The following IL34 variants were observed in gnomAD, a reference collection of about 807,000 sequenced individuals.
IL34 encodes the protein interleukin 34, also known as interleukin-34.
In IL34, 17 loss-of-function variants were observed where a neutral mutation model predicts 25.3. The ratio of observed to expected loss-of-function variants is 0.67; its 90% CI spans 0.46 to 1.01. IL34 has a LOEUF of 1.01. IL34 is among the 50% of genes least tolerant of loss of function. The pLI is 0.00. For synonymous variants in IL34, 174 were observed against 140.9 expected, an observed-to-expected ratio of 1.23 and a Z score of -1.66; for missense variants, 368 against 312.9, an observed-to-expected ratio of 1.18 and a Z score of -1.33.
chr16:70,649,593 G>A (rs975915929), intron 1 of IL34, among the ~76,000 whole-genome samples: 10 of 152,084 alleles, frequency 6.6e-5, no homozygotes, highest in African/African-American at 2.2e-4. Flanking sequence ...GGTCACACTC[G>A]GGTTCGGGTG....
intron 4 of IL34, chr16:70,657,406 G>A (rs1483673301): frequency 8.0e-6 from 3 of 375,156 alleles, no homozygotes; most frequent in Middle Eastern, 7.6e-4. Context: ...GCAAGTCATC[G>A]TACCCTCTTT....
chr16:70,584,823 C>T (rs985241358), intron 1 of IL34, among the ~76,000 whole-genome samples: 33 of 152,084 alleles, frequency 2.2e-4, no homozygotes, highest in African/African-American at 7.7e-4. Flanking sequence ...GCCTCAGCCT[C>T]TGGAGTGGCT....
intron 1 of IL34, among the ~76,000 whole-genome samples, chr16:70,641,314 C>T (rs1012968435): frequency 6.6e-6 from 1 of 151,982 alleles, no homozygotes; most frequent in Non-Finnish European, 1.5e-5. Context: ...CAAAAACTTG[C>T]ACATGGATTT....
upstream of IL34, among the ~76,000 whole-genome samples, chr16:70,642,285 C>T (rs1243323222): frequency 2.7e-5 from 4 of 148,278 alleles, no homozygotes; most frequent in Admixed American, 2.0e-4. Flanking sequence ...AGTGAGCGTA[C>T]TCTGATGTCT....
At chr16:70,585,521 A>G (rs2050682713) in intron 1 of IL34, among the ~76,000 whole-genome samples, 2 of 151,898 alleles carry the variant, frequency 1.3e-5, no homozygotes, top group African/African-American at 4.8e-5. Context: ...CCTTGTCTCT[A>G]CTAAAAATAC....
Position 70,660,274 on chromosome 16 carries a change from TGGGAGCCCCCCTTGG to T in IL34, c.*89_*103del. On this transcript the variant is annotated 3_prime_UTR_variant, in exon 6 of 6. Transcript: ENST00000288098. ...GGTCTGAGACTTCAAGGGGTGGTGG[TGGGAGCCCCCCTTGG>T]GAGAGGACCCCTGGGAAGGGTGTTT... 1 of 1,283,454 alleles carries T rather than the reference TGGGAGCCCCCCTTGG, an allele frequency of 7.8e-7. No individual in the cohort carries two copies. Among genetic ancestry groups the T allele is most frequent in the Non-Finnish European group, 1.1e-6 (1 of 949,476 alleles). 79.5% of individuals were successfully genotyped at this position (1,283,454 alleles called of 1,614,324 possible). A position where few individuals can be genotyped will look rare whatever the true frequency, so the allele number is the denominator to read the frequency against.
Position 70,659,990 on chromosome 16 carries a change from C to G in IL34, c.539-7C>G. On this transcript the variant is annotated splice_region_variant and splice_polypyrimidine_tract_variant and intron_variant, in intron 5 of 5. Coordinates refer to ENST00000288098, the MANE Select transcript of IL34 (RefSeq NM_001393494.1). ...CAGTCTTTTTTTTTTTCCCCTATCT[C>G]TTGCAGGTAAACAAAGCTCCGTCCT... 1 of 1,566,026 alleles carries G rather than the reference C, an allele frequency of 6.4e-7. No homozygotes were observed. The highest frequency in any genetic ancestry group is 1.4e-5 in the African/African-American group (1 of 72,172).
intron 1 of IL34, among the ~76,000 whole-genome samples, chr16:70,653,519 C>T (rs1193744308): frequency 2.6e-5 from 4 of 151,854 alleles, no homozygotes; most frequent in East Asian, 3.9e-4. Context: ...GCCAACATGG[C>T]GATACCAGGT....
At chr16:70,655,373 T>G (rs2052191818) in intron 2 of IL34, among the ~76,000 whole-genome samples, 1 of 150,596 alleles carries the variant, frequency 6.6e-6, no homozygotes, top group African/African-American at 2.4e-5. Context: ...TTTTAATTTT[T>G]TAACTTTTCC....
chr16:70,651,529 G>A (rs2052078060), intron 1 of IL34, among the ~76,000 whole-genome samples: 1 of 152,176 alleles, frequency 6.6e-6, no homozygotes, highest in African/African-American at 2.4e-5. Context: ...AGCTGAGCAA[G>A]GGCACTCCTG....
intron 1 of IL34, among the ~76,000 whole-genome samples, chr16:70,640,296 C>A (rs1292474695): frequency 6.6e-6 from 1 of 152,086 alleles, no homozygotes. Flanking sequence ...TGCACACCAC[C>A]ATGCCCGGCT....
At chr16:70,609,861 T>A (rs563639132) in intron 1 of IL34, among the ~76,000 whole-genome samples, 96 of 152,214 alleles carry the variant, frequency 6.3e-4, no homozygotes, top group African/African-American at 2.1e-3. Context: ...ATAGCTAGAA[T>A]TGGAACCCAG....
intron 1 of IL34, among the ~76,000 whole-genome samples, chr16:70,591,480 G>A (rs553061354): frequency 4.9e-4 from 75 of 151,614 alleles, no homozygotes; most frequent in Non-Finnish European, 8.7e-4. Context: ...GAGGTGGGAG[G>A]ATCGCATGAA....
chr16:70,658,767 G>A (rs1017098125), intron 4 of IL34, among the ~76,000 whole-genome samples: 6 of 152,118 alleles, frequency 3.9e-5, no homozygotes, highest in African/African-American at 1.4e-4. Flanking sequence ...ACCATTCCTG[G>A]CCGTCTCAGT....
At chr16:70,631,912 A>G (rs1597760075) in intron 1 of IL34, among the ~76,000 whole-genome samples, 1 of 147,126 alleles carries the variant, frequency 6.8e-6, no homozygotes, top group Admixed American at 6.8e-5. Context: ...TACCATGGCA[A>G]AACCCTGTCT....
At chr16:70,618,596 A>G (rs1355409881) in intron 1 of IL34, among the ~76,000 whole-genome samples, 2 of 152,192 alleles carry the variant, frequency 1.3e-5, no homozygotes, top group African/African-American at 4.8e-5. Context: ...AGGCTAAAAC[A>G]GTAAGGTCAA....
intron 1 of IL34, among the ~76,000 whole-genome samples, chr16:70,589,065 C>T (rs551248721): frequency 1.4e-4 from 21 of 152,044 alleles, no homozygotes; most frequent in Admixed American, 3.3e-4. Flanking sequence ...AGCGTGGTGG[C>T]GGGCACCAGT....
At chr16:70,612,621 T>C (rs1172415384) in intron 1 of IL34, among the ~76,000 whole-genome samples, 2 of 152,240 alleles carry the variant, frequency 1.3e-5, no homozygotes, top group Non-Finnish European at 2.9e-5. Flanking sequence ...AAGTGCTTGT[T>C]AACCCACATC....
At chr16:70,657,749 T>G (rs1425487171) in intron 4 of IL34, among the ~76,000 whole-genome samples, 1 of 152,106 alleles carries the variant, frequency 6.6e-6, no homozygotes, top group East Asian at 1.9e-4. Flanking sequence ...CACTCCAGCT[T>G]GGGCAACAAG....
Sources: allele counts gnomAD v4.1 joint callset (sites outside exome capture counted in the v4.1 genomes callset), GRCh38; gene constraint gnomAD v4.1.1; transcripts MANE v1.5; gene names NCBI Gene and HGNC (gene_info 2026-07-23, HGNC 2026-07-21).